The following CLEC4G variants were observed in gnomAD, a reference collection of about 807,000 sequenced individuals.
The protein encoded by CLEC4G is C-type lectin superfamily 4, member G.
A neutral mutation model predicts 37.0 loss-of-function variants in CLEC4G; 34 were observed. The observed-to-expected ratio is 0.92, with a 90% confidence interval of 0.70 to 1.22. The LOEUF is 1.22. CLEC4G is among the 50% of genes most tolerant of loss of function. The pLI is 0.00. For missense variants in CLEC4G, 390 were observed against 392.9 expected (o/e 0.99, Z 0.06); for synonymous variants, 167 against 165.6 (o/e 1.01, Z -0.06).
rs763549700 is a variant in CLEC4G, at chr19:7,729,362, G to A, written c.*4C>T. 13 of 1,599,550 alleles carry A rather than the reference G, an allele frequency of 8.1e-6. No homozygotes were observed. Among genetic ancestry groups the A allele is most frequent in the Non-Finnish European group, 1.1e-5 (13 of 1,168,378 alleles). On this transcript the variant is annotated 3_prime_UTR_variant, in exon 9 of 9. Coordinates refer to ENST00000328853, the MANE Select transcript of CLEC4G (RefSeq NM_198492.4). ...TGGGCGCGGCTCCAGGGCACTGGGCGGGGTCAGCAGTTGTGCCTTTTCTCA... is the reference window on the plus strand; with the variant it reads ...TGGGCGCGGCTCCAGGGCACTGGGCAGGGTCAGCAGTTGTGCCTTTTCTCA...
In CLEC4G at chr19:7,731,304, G is replaced by A. The variant is rs1445369188; in HGVS notation, c.182C>T (p.Ala61Val). The change falls in exon 3 of 9, where the codon GCG (alanine) becomes GTG (valine). Residue 61 changes from alanine to valine, a missense_variant. Ala to Val is a moderately conservative substitution (Grantham distance 64, BLOSUM62 0). Coordinates refer to ENST00000328853, the MANE Select transcript of CLEC4G (RefSeq NM_198492.4). ...CAGGTCGTGGCCGTCAAGCAGCGCC[G>A]CGCGCTCCGTGGAGGCTGAGGAGAG... is the stretch of plus-strand genomic sequence containing the variant. ...ILLSKASTERAALLDGHDLLR... is the reference protein window; with the variant it reads ...ILLSKASTERVALLDGHDLLR... 4 of 1,579,932 alleles carry A rather than the reference G, an allele frequency of 2.5e-6. No individual in the cohort carries two copies. Among genetic ancestry groups the A allele is most frequent in the Non-Finnish European group, 2.6e-6 (3 of 1,167,696 alleles).
rs115325811 is a variant in CLEC4G, at chr19:7,730,669, T to A, written c.388+86A>T. 3.3e-3 allele frequency: 4,856 copies of A among 1,463,170 alleles called. 142 individuals are homozygous for A. The African/African-American group carries it at 0.062, about 19-fold the overall frequency. The allele number at this position is 1,463,170 out of a possible 1,614,324, so 90.6% of individuals were successfully genotyped here. The stretch of plus-strand genomic sequence containing the variant: ...GTCAGGGTCAGGACGGGGTGCATGA[T>A]CGGGGTCGGGGGTCAGCACTCAGGA... On this transcript the variant is annotated intron_variant, in intron 5 of 8. Coordinates refer to ENST00000328853, the MANE Select transcript of CLEC4G (RefSeq NM_198492.4). The surrounding 1 kb of genome is among the most constrained non-coding windows in gnomAD (Gnocchi z 7.3).
chr19:7,730,082 C>T lies in CLEC4G; in HGVS notation c.564G>A (p.Ala188=). The T allele has an allele frequency of 1.2e-6, 2 of 1,607,826 alleles. No homozygotes were observed. The highest frequency in any genetic ancestry group is 1.7e-6 in the Non-Finnish European group (2 of 1,178,202). ...FFSVPKTTWA[A]AQDHCADASA... is the part of the protein sequence containing the mutation. The stretch of plus-strand genomic sequence containing the variant: ...TGGCATCTGCGCAGTGATCCTGCGC[C>T]GCCGCCCACGTCGTCTTTGGCACAG... The change falls in exon 7 of 9, where the codon GCG becomes GCA. Residue 188 remains alanine, a synonymous_variant. Coordinates refer to ENST00000328853, the MANE Select transcript of CLEC4G (RefSeq NM_198492.4). The surrounding 1 kb of genome is among the most constrained non-coding windows in gnomAD (Gnocchi z 7.3).
At chr19:7,729,582 C>A (rs1465630039) in intron 8 of CLEC4G, 78 bp from the exon 9 acceptor site, 1 of 1,273,246 alleles carries the variant, frequency 7.9e-7, no homozygotes, top group Non-Finnish European at 1.1e-6. Context: ...CCTCTTCAGG[C>A]TCTAGCCTGT....
intron 1 of CLEC4G, 45 bp from the exon 2 acceptor site, chr19:7,731,816 C>T: frequency 6.3e-7 from 1 of 1,586,418 alleles, no homozygotes; most frequent in Non-Finnish European, 8.6e-7. Flanking sequence ...GAACTGAGCC[C>T]TGGAGGCCTG....
At chr19:7,729,649 T>G in intron 8 of CLEC4G, 145 bp from the exon 9 acceptor site, 1 of 1,234,598 alleles carries the variant, frequency 8.1e-7, no homozygotes, top group Non-Finnish European at 1.1e-6. Context: ...ATACACCTGG[T>G]ATATAACTTT....
rs1463050677 is a variant in CLEC4G at position 7,729,502 on chromosome 19, T to C, written c.746A>G (p.His249Arg). ...WVDGVSLSFS[H>R]WNQGEPNDAW... ...GTCATTGGGCTCTCCCTGGTTCCAG[T>C]GGCTACAGGGGGGTTGAGTGGGGGT... The change falls in exon 9 of 9, where the codon CAC becomes CGC. Residue 249 changes from histidine to arginine, a missense_variant and splice_region_variant. His to Arg is a conservative substitution (Grantham distance 29). Transcript: ENST00000328853. The C allele has an allele frequency of 1.9e-6, 3 of 1,598,500 alleles. No individual in the cohort carries two copies. Among genetic ancestry groups the C allele is most frequent in the Non-Finnish European group, 2.6e-6 (3 of 1,168,936 alleles).
rs112146621 is a variant in CLEC4G at position 7,730,601 on chromosome 19, G to C, written c.388+154C>G. ...GCGGTTACAACTGGGCAGGGTCCGG[G>C]TGTGGCCGGCGCTAGGAGTGGCAGT... On this transcript the variant is annotated intron_variant, in intron 5 of 8. Transcript: ENST00000328853. The surrounding 1 kb of genome is among the most constrained non-coding windows in gnomAD (Gnocchi z 7.3). Among the ~76,000 whole-genome samples the C allele has an allele frequency of 2.6e-5, 4 of 152,290 alleles. No homozygotes were observed. The highest frequency in any genetic ancestry group is 9.6e-5 in the African/African-American group (4 of 41,558).
chr19:7,732,018 G>A lies in CLEC4G; in HGVS notation c.55+30C>T, dbSNP rs756770342. 7 of 1,562,832 alleles carry A rather than the reference G, an allele frequency of 4.5e-6. No individual in the cohort carries two copies. In the Middle Eastern group the frequency reaches 5.0e-4, roughly 113 times the overall value. On this transcript the variant is annotated intron_variant, in intron 1 of 8. Transcript: ENST00000328853. ...CCCCCATCAAACCCCAGACACTGGG[G>A]CAGGGATGGGGCAGTCTCCTTGCTC... is the stretch of plus-strand genomic sequence containing the variant.
At position 7,730,813 on chromosome 19, in the gene CLEC4G, C is replaced by A; in HGVS notation, c.330G>T (p.Gly110=). The change falls in exon 5 of 9, where the codon GGG becomes GGT. Residue 110 remains glycine, a synonymous_variant. Coordinates refer to ENST00000328853, the MANE Select transcript of CLEC4G (RefSeq NM_198492.4). This position sits in a 1 kb window ranked among gnomAD's most constrained non-coding sequence, Gnocchi z 7.3. The part of the protein sequence containing the change: ...AQLQTTRAEL[G]EAQAKLMEQE... ...GCTCCATCAGCTTCGCCTGCGCCTC[C>A]CCAAGCTCCGCGCGCGTGGTCTGCA... The A allele has an allele frequency of 6.5e-7, 1 of 1,532,714 alleles. No homozygotes were observed. Among genetic ancestry groups the A allele is most frequent in the Non-Finnish European group, 8.7e-7 (1 of 1,145,966 alleles). 94.9% of individuals were successfully genotyped at this position (1,532,714 alleles called of 1,614,324 possible).
Position 7,730,890 on chromosome 19 carries a change from C to T in CLEC4G, c.284-31G>A, listed in dbSNP as rs989803074. ...AGCCGCAGGGTGAGAGGGGCGAGGG[C>T]GGCGAGGATGGGGCGGGACTTCGGA... is the stretch of plus-strand genomic sequence containing the variant. On this transcript the variant is annotated intron_variant, in intron 4 of 8. Transcript: ENST00000328853. This position sits in a 1 kb window ranked among gnomAD's most constrained non-coding sequence, Gnocchi z 7.3. The T allele has an allele frequency of 2.6e-6, 4 of 1,525,020 alleles. No individual in the cohort carries two copies. Among genetic ancestry groups the T allele is most frequent in the Non-Finnish European group, 3.5e-6 (4 of 1,142,328 alleles). 94.5% of individuals were successfully genotyped at this position (1,525,020 alleles called of 1,614,324 possible). A position where few individuals can be genotyped will look rare whatever the true frequency, so the allele number is the denominator to read the frequency against.
Position 7,729,905 on chromosome 19 carries a change from C to CGGAA in CLEC4G, c.658_659insTTCC (p.Gly220ValfsTer39). ...CACAGCCCTCAGGCCCAGCCAGTAACCACGGCCACGCGTGTTCCGAGTGAG... is the reference window on the plus strand; with the variant it reads ...CACAGCCCTCAGGCCCAGCCAGTAACGGAACACGGCCACGCGTGTTCCGAGTGAG... On this transcript the variant is annotated frameshift_variant, in exon 8 of 9. Transcript: ENST00000328853. LOFTEE classifies it high-confidence loss of function. The CGGAA allele has an allele frequency of 6.2e-7, 1 of 1,614,176 alleles. No individual in the cohort carries two copies. The highest frequency in any genetic ancestry group is 8.5e-7 in the Non-Finnish European group (1 of 1,180,044).
Position 7,729,821 on chromosome 19 carries a change from C to G in CLEC4G, c.743G>C (p.Ser248Thr), listed in dbSNP as rs763635364. The change falls in exon 8 of 9, where the codon AGC (serine) becomes ACC (threonine). Residue 248 changes from serine to threonine, a missense_variant and splice_region_variant. Transcript: ENST00000328853. ...GTCTCACCAGGAGCCTTTCCCTCAC[C>G]TGAAGCTGAGAGAGACTCCGTCCAC... is the stretch of plus-strand genomic sequence containing the variant. ...QWVDGVSLSF[S>T]HWNQGEPNDA... 6.2e-7 allele frequency: 1 copy of G among 1,613,980 alleles called. No individual in the cohort carries two copies. Among genetic ancestry groups the G allele is most frequent in the Non-Finnish European group, 8.5e-7 (1 of 1,180,002 alleles).
chr19:7,729,575 C>G (rs2033395577), intron 8 of CLEC4G, 71 bp from the exon 9 acceptor site: 1 of 1,307,422 alleles, frequency 7.6e-7, no homozygotes, highest in Non-Finnish European at 1.1e-6. Flanking sequence ...CCGCCTTCCT[C>G]TTCAGGCTCT....
rs1306022742 is a variant in CLEC4G at position 7,729,813 on chromosome 19, T to C, written c.743+8A>G. On this transcript the variant is annotated splice_region_variant and intron_variant, in intron 8 of 8. Coordinates refer to ENST00000328853, the MANE Select transcript of CLEC4G (RefSeq NM_198492.4). Reference sequence around the variant, plus strand: ...CTCCCCAGGTCTCACCAGGAGCCTTTCCCTCACCTGAAGCTGAGAGAGACT... The same window carrying C: ...CTCCCCAGGTCTCACCAGGAGCCTTCCCCTCACCTGAAGCTGAGAGAGACT... 1.2e-6 allele frequency: 2 copies of C among 1,614,006 alleles called. No homozygotes were observed. The highest frequency in any genetic ancestry group is 1.7e-6 in the Non-Finnish European group (2 of 1,179,978).
Position 7,729,808 on chromosome 19 carries a change from G to C in CLEC4G, c.743+13C>G. 1 of 1,613,990 alleles carries C rather than the reference G, an allele frequency of 6.2e-7. No homozygotes were observed. The highest frequency in any genetic ancestry group is 2.2e-5 in the East Asian group (1 of 44,874). On this transcript the variant is annotated intron_variant, in intron 8 of 8. Transcript: ENST00000328853. ...TCTCCCTCCCCAGGTCTCACCAGGA[G>C]CCTTTCCCTCACCTGAAGCTGAGAG...
rs2033406915 is a variant in CLEC4G, at chr19:7,730,204, C to T, written c.479-37G>A. The T allele has an allele frequency of 1.2e-6, 2 of 1,601,704 alleles. No individual in the cohort carries two copies. The highest frequency in any genetic ancestry group is 1.7e-6 in the Non-Finnish European group (2 of 1,174,620). The stretch of plus-strand genomic sequence containing the variant: ...CGAGGGTCAGAGAGGTCGCGTGCTT[C>T]CAGGGGCAACGCACCGAGAGGATGC... On this transcript the variant is annotated intron_variant, in intron 6 of 8. Transcript: ENST00000328853. This position sits in a 1 kb window ranked among gnomAD's most constrained non-coding sequence, Gnocchi z 7.3.
Position 7,731,785 on chromosome 19 carries a change from G to A in CLEC4G, c.56-14C>T, listed in dbSNP as rs775540835. On this transcript the variant is annotated splice_polypyrimidine_tract_variant and intron_variant, in intron 1 of 8. Transcript: ENST00000328853. ...GTCCCCAGGGCCCTGGCATAACAAG[G>A]ACGGCATGCTGGGTCCCCCAGAACT... 1.2e-6 allele frequency: 2 copies of A among 1,609,586 alleles called. No individual in the cohort carries two copies. Among genetic ancestry groups the A allele is most frequent in the East Asian group, 2.2e-5 (1 of 44,764 alleles).
intron 2 of CLEC4G, 127 bp from the exon 3 acceptor site, chr19:7,731,446 A>T: frequency 6.7e-7 from 1 of 1,485,184 alleles, no homozygotes. Flanking sequence ...CACGATGTGC[A>T]CACACGCCGA....
Sources: gnomAD v4.1 joint callset for allele counts (sites outside exome capture counted in the v4.1 genomes callset) on GRCh38, gnomAD v4.1.1 for gene constraint, Gnocchi (gnomAD v3.1) non-coding constraint, MANE v1.5 for transcripts, NCBI Gene and HGNC (gene_info 2026-07-23, HGNC 2026-07-21) for gene names.